The following CASKIN1 variants were observed in gnomAD, a reference collection of about 807,000 sequenced individuals.
The protein encoded by CASKIN1 is CASK interacting protein 1, also known as caskin-1.
CASKIN1 carries 42 observed loss-of-function variants against 117.5 expected under a neutral mutation model. That is an observed-to-expected ratio of 0.36 (90% confidence interval 0.28 to 0.46). The LOEUF is 0.46. CASKIN1 is among the 20% of genes least tolerant of loss of function. The probability of loss-of-function intolerance (pLI) is 1.00; values close to 1 mark genes in which losing one functional copy is unlikely to be tolerated. For missense variants in CASKIN1, 2,083 were observed against 2,077.3 expected, an observed-to-expected ratio of 1.00 and a Z score of -0.05; for synonymous variants, 1,148 against 961.7, an observed-to-expected ratio of 1.19 and a Z score of -3.59.
Position 2,196,512 on chromosome 16 carries a change from GGCCGCCTCCCCC to G in CASKIN1, c.-92_-81del, listed in dbSNP as rs959705260. On this transcript the variant is annotated 5_prime_UTR_variant, in exon 1 of 20. Transcript: ENST00000343516. The surrounding 1 kb of genome is among the most constrained non-coding windows in gnomAD (Gnocchi z 5.7). Reference sequence around the variant, plus strand: ...GAGGCGGCGGCGGCCCCGCGGCACCGGCCGCCTCCCCCGCCGCCTCCCCCGCCGCCTCCTCGC... The same window carrying G: ...GAGGCGGCGGCGGCCCCGCGGCACCGGCCGCCTCCCCCGCCGCCTCCTCGC... The G allele has an allele frequency of 5.1e-3, 3,128 of 611,856 alleles. 50 individuals carry two copies. The highest frequency in any genetic ancestry group is 0.036 in the African/African-American group (1,777 of 49,166). 37.9% of individuals were successfully genotyped at this position (611,856 alleles called of 1,614,324 possible).
chr16:2,180,289 G>A lies in CASKIN1; in HGVS notation c.3079C>T (p.His1027Tyr), dbSNP rs1319842816. The part of the protein sequence containing the change: ...GRAARRPPEG[H>Y]PTPRPASPEP... ...GGGCTGGCAGGGCGGGGAGTGGGGT[G>A]GCCCTCAGGAGGCCTGCGGGCAGCC... Residue 1027 changes from histidine to tyrosine, a missense_variant, in exon 18 of 20, where the codon CAC (histidine) becomes TAC (tyrosine). By Grantham distance (83) the His-to-Tyr change is moderately conservative. This residue lies in a region of CASKIN1 where 1,818 missense variants were observed against 1,688.9 expected (regional missense o/e 1.08). Transcript: ENST00000343516. The A allele has an allele frequency of 3.8e-6, 6 of 1,577,196 alleles. No individual in the cohort carries two copies. In the Admixed American group the frequency reaches 8.9e-5, roughly 23 times the overall value.
In CASKIN1 at chr16:2,190,093, A is replaced by G. The variant is rs1385482009; in HGVS notation, c.224T>C (p.Val75Ala). 1 of 1,611,064 alleles carries G rather than the reference A, an allele frequency of 6.2e-7. No individual in the cohort carries two copies. The highest frequency in any genetic ancestry group is 8.5e-7 in the Non-Finnish European group (1 of 1,179,286). The change falls in exon 3 of 20, where the codon GTG (valine) becomes GCG (alanine). Residue 75 changes from valine to alanine, a missense_variant. Physicochemically the swap from Val to Ala is moderately conservative, Grantham distance 64 (BLOSUM62 0). Transcript: ENST00000343516. The stretch of plus-strand genomic sequence containing the variant: ...CTTGCCTTTGTTGTCCTTGATGTCC[A>G]CAGCGGCCTGGGCCTCCAGCAGCAG... Reference protein sequence around the residue: ...ISLLLEAQAAVDIKDNKGMRP... With the variant: ...ISLLLEAQAAADIKDNKGMRP...
At position 2,181,226 on chromosome 16, in the gene CASKIN1, G is replaced by A; in HGVS notation, c.2142C>T (p.Pro714=). ...SSSQELLGDG[P]PGPSSPMSRS... is the part of the protein sequence containing the mutation. ...GAGACATGGGGCTGCTGGGCCCAGG[G>A]GGCCCATCTCCCAGCAGCTCCTGCG... is the stretch of plus-strand genomic sequence containing the variant. The change falls in exon 18 of 20, where the codon CCC becomes CCT. Residue 714 remains proline, a synonymous_variant. Coordinates refer to ENST00000343516, the MANE Select transcript of CASKIN1 (RefSeq NM_020764.4). 2.5e-6 allele frequency: 4 copies of A among 1,592,856 alleles called. No individual in the cohort carries two copies. In the South Asian group the frequency reaches 3.3e-5, roughly 13 times the overall value.
At position 2,187,385 on chromosome 16, in the gene CASKIN1, C is replaced by T. The variant is rs1340471555; in HGVS notation, c.694G>A (p.Gly232Arg). The T allele has an allele frequency of 2.5e-6, 4 of 1,612,306 alleles. No individual in the cohort carries two copies. The highest frequency in any genetic ancestry group is 2.5e-6 in the Non-Finnish European group (3 of 1,179,874). The change falls in exon 7 of 20, where the codon GGA becomes AGA. Residue 232 changes from glycine to arginine, a missense_variant. This residue lies in a region of CASKIN1 where 203 missense variants were observed against 338.7 expected (regional missense o/e 0.60). Coordinates refer to ENST00000343516, the MANE Select transcript of CASKIN1 (RefSeq NM_020764.4). ...AGCAGCCGCACCACCTCTGTCTTTC[C>T]GCAGAGCGCAGCCTCGTGCAGGGCC... ...GTALHEAALC[G>R]KTEVVRLLLD... is the part of the protein sequence containing the mutation.
intron 10 of CASKIN1, 28 bp downstream of exon 10, chr16:2,186,679 C>T (rs772283084): frequency 1.3e-6 from 2 of 1,591,744 alleles, no homozygotes; most frequent in Non-Finnish European, 8.6e-7. Context: ...GGGCTCCTGC[C>T]TGCCCCCCAG....
chr16:2,180,486 T>C lies in CASKIN1; in HGVS notation c.2882A>G (p.Asn961Ser), dbSNP rs1406860899. 14 of 1,551,012 alleles carry C rather than the reference T, an allele frequency of 9.0e-6. No individual in the cohort carries two copies. Among genetic ancestry groups the C allele is most frequent in the Non-Finnish European group, 1.2e-5 (14 of 1,154,750 alleles). ...GTCAGGCACCGGCTCATCCGCCAGG[T>C]TGGCACTAGCCAGGGCCGAGCTGGA... ...KRSSSALASA[N>S]LADEPVPDAE... Residue 961 changes from asparagine (N) to serine (S), a missense_variant, in exon 18 of 20, where the codon AAC (asparagine) becomes AGC (serine). Physicochemically the swap from Asn to Ser is conservative, Grantham distance 46. This residue lies in a region of CASKIN1 where 1,818 missense variants were observed against 1,688.9 expected (regional missense o/e 1.08). Transcript: ENST00000343516.
intron 1 of CASKIN1, among the ~76,000 whole-genome samples, chr16:2,195,314 G>A (rs1490836064): frequency 6.6e-6 from 1 of 152,162 alleles, no homozygotes; most frequent in African/African-American, 2.4e-5. Context: ...CCCAGTTCTC[G>A]GCATCCCCCT....
chr16:2,179,005 C>A lies in CASKIN1; in HGVS notation c.4096G>T (p.Gly1366Trp). ...TCCAGTTTCTGCCGGGCGCTGTCCC[C>A]TGGCGAGGCGCCTTCGGGCGGGGCG... ...PPAPPEGASP[G>W]DSARQKLEET... Residue 1366 changes from glycine to tryptophan, a missense_variant, in exon 19 of 20, where the codon GGG becomes TGG. Gly to Trp is a radical substitution (Grantham distance 184, BLOSUM62 -2). Transcript: ENST00000343516. The surrounding 1 kb of genome is among the most constrained non-coding windows in gnomAD (Gnocchi z 5.8). The A allele has an allele frequency of 8.1e-7, 1 of 1,233,280 alleles. No homozygotes were observed. The highest frequency in any genetic ancestry group is 1.0e-6 in the Non-Finnish European group (1 of 985,614). The allele number at this position is 1,233,280 out of a possible 1,614,324, so 76.4% of individuals were successfully genotyped here. A position where few individuals can be genotyped will look rare whatever the true frequency, so the allele number is the denominator to read the frequency against.
At chr16:2,195,642 C>T (rs1254750992) in intron 1 of CASKIN1, among the ~76,000 whole-genome samples, 2 of 152,238 alleles carry the variant, frequency 1.3e-5, no homozygotes, top group African/African-American at 4.8e-5. Flanking sequence ...CCCACTCCCT[C>T]ATGGCCTCCT....
In CASKIN1 at chr16:2,185,235, G is replaced by A. The variant is rs373328799; in HGVS notation, c.1151-36C>T. On this transcript the variant is annotated intron_variant, in intron 11 of 19. Coordinates refer to ENST00000343516, the MANE Select transcript of CASKIN1 (RefSeq NM_020764.4). Reference sequence around the variant, plus strand: ...AAGGGAGCAAGATGAGGCCAGTGCCGGCCCCTGCCTGGCCCCACGGTGGTG... The same window carrying A: ...AAGGGAGCAAGATGAGGCCAGTGCCAGCCCCTGCCTGGCCCCACGGTGGTG... 4.8e-5 allele frequency: 77 copies of A among 1,606,436 alleles called. 1 individual carries two copies. The highest frequency in any genetic ancestry group is 3.2e-4 in the South Asian group (29 of 90,546).
chr16:2,191,473 G>C (rs1302649799), intron 1 of CASKIN1, among the ~76,000 whole-genome samples: 1 of 152,208 alleles, frequency 6.6e-6, no homozygotes, highest in Non-Finnish European at 1.5e-5. Context: ...CCCTCCCTGA[G>C]CTGGAGCCGG....
rs1006862430 is a variant in CASKIN1 at position 2,190,312 on chromosome 16, C to T, written c.141G>A (p.Pro47=). 2.0e-5 allele frequency: 32 copies of T among 1,576,182 alleles called. No homozygotes were observed. Among genetic ancestry groups the T allele is most frequent in the Non-Finnish European group, 2.4e-5 (28 of 1,160,130 alleles). Residue 47 remains proline, a synonymous_variant, in exon 2 of 20, where the codon CCG becomes CCA. Transcript: ENST00000343516. ...CCACCCGGCTCAGAACTCACCCATC[C>T]GGGTCCTGGAAGTTGACATTGATCT... is the stretch of plus-strand genomic sequence containing the variant. ...TKKINVNFQD[P]DGFSALHHAA...
At position 2,185,422 on chromosome 16, in the gene CASKIN1, A is replaced by G; in HGVS notation, c.1049-14T>C. On this transcript the variant is annotated splice_polypyrimidine_tract_variant and intron_variant, in intron 10 of 19. Transcript: ENST00000343516. ...CTGCTCGGGAACCTGTGGGTCAAGC[A>G]AAGCCTCCTAAGTCCTGGGCCAGCG... The G allele has an allele frequency of 6.3e-7, 1 of 1,587,678 alleles. No individual in the cohort carries two copies. The highest frequency in any genetic ancestry group is 8.6e-7 in the Non-Finnish European group (1 of 1,166,918).
chr16:2,190,371 G>C lies in CASKIN1; in HGVS notation c.95-13C>G. 6.4e-7 allele frequency: 1 copy of C among 1,565,964 alleles called. No individual in the cohort carries two copies. Among genetic ancestry groups the C allele is most frequent in the Non-Finnish European group, 8.7e-7 (1 of 1,154,884 alleles). On this transcript the variant is annotated splice_polypyrimidine_tract_variant and intron_variant, in intron 1 of 19. Transcript: ENST00000343516. Reference sequence around the variant, plus strand: ...GAACCCAGGAGCTCTGGGGATGGAAGGAGACTCAGTGAGGGGAGGCTGTGC... The same window carrying C: ...GAACCCAGGAGCTCTGGGGATGGAACGAGACTCAGTGAGGGGAGGCTGTGC...
chr16:2,182,707 G>A lies in CASKIN1; in HGVS notation c.1630-778C>T, dbSNP rs929018886. The stretch of plus-strand genomic sequence containing the variant: ...TTGGGAGCCCAGAGCTCAGTGTGAG[G>A]CCCAGAGAGTCCGCTTCAGTTGGGC... On this transcript the variant is annotated intron_variant, in intron 16 of 19. Transcript: ENST00000343516. The surrounding 1 kb of genome is among the most constrained non-coding windows in gnomAD (Gnocchi z 4.1). Among the ~76,000 whole-genome samples, 2 of 152,226 alleles carry A rather than the reference G, an allele frequency of 1.3e-5. No individual in the cohort carries two copies. Among genetic ancestry groups the A allele is most frequent in the Non-Finnish European group, 2.9e-5 (2 of 68,048 alleles).
In CASKIN1 at chr16:2,180,133, G is replaced by A. The variant is rs767569279; in HGVS notation, c.3235C>T (p.Arg1079Trp). The change falls in exon 18 of 20, where the codon CGG becomes TGG. Residue 1079 changes from arginine to tryptophan, a missense_variant. By Grantham distance (101) the Arg-to-Trp change is moderately radical. This residue lies in a region of CASKIN1 where 1,818 missense variants were observed against 1,688.9 expected (regional missense o/e 1.08). Coordinates refer to ENST00000343516, the MANE Select transcript of CASKIN1 (RefSeq NM_020764.4). ...PVTGLLATAR[R>W]GPGESADPGP... ...GGGTCTGCCGACTCCCCAGGCCCCC[G>A]GCGGGCAGTGGCCAGAAGTCCGGTG... is the stretch of plus-strand genomic sequence containing the variant. 7.9e-5 allele frequency: 122 copies of A among 1,553,892 alleles called. No homozygotes were observed. The highest frequency in any genetic ancestry group is 4.8e-4 in the African/African-American group (35 of 73,092).
In CASKIN1 at chr16:2,178,072, T is replaced by G; in HGVS notation, c.*478A>C. ...ATTTGTTAAAGTTATACCTTTTTGT[T>G]TCTCTGGGGAAATCCGCCTCAGCTC... On this transcript the variant is annotated 3_prime_UTR_variant, in exon 20 of 20. Transcript: ENST00000343516. 1 of 486,536 alleles carries G rather than the reference T, an allele frequency of 2.1e-6. No individual in the cohort carries two copies. The highest frequency in any genetic ancestry group is 3.9e-6 in the Non-Finnish European group (1 of 254,414). 30.1% of individuals were successfully genotyped at this position (486,536 alleles called of 1,614,324 possible).
Position 2,180,201 on chromosome 16 carries a change from C to T in CASKIN1, c.3167G>A (p.Gly1056Asp), listed in dbSNP as rs143885789. ...SVKHKEAIGP[G>D]GEVVNRRRTL... is the part of the protein sequence containing the mutation. ...GCGGCGCCGGTTCACCACCTCCCCG[C>T]CAGGCCCGATGGCCTCTTTGTGTTT... The change falls in exon 18 of 20, where the codon GGC becomes GAC. Residue 1056 changes from glycine (G) to aspartate (D), a missense_variant. This residue lies in a region of CASKIN1 where 1,818 missense variants were observed against 1,688.9 expected (regional missense o/e 1.08). Transcript: ENST00000343516. 1.2e-5 allele frequency: 18 copies of T among 1,550,082 alleles called. 1 individual carries two copies. The highest frequency in any genetic ancestry group is 2.0e-4 in the Middle Eastern group (1 of 4,948).
Position 2,177,478 on chromosome 16 carries a change from G to A in CASKIN1, c.*1072C>T, listed in dbSNP as rs765869428. ...CCCAACACTGTGGATCAGCAAACAC[G>A]ATAGAGGAGACCAGTCAGTACTTCT... On this transcript the variant is annotated 3_prime_UTR_variant, in exon 20 of 20. Coordinates refer to ENST00000343516, the MANE Select transcript of CASKIN1 (RefSeq NM_020764.4). 22 of 233,188 alleles carry A rather than the reference G, an allele frequency of 9.4e-5. No homozygotes were observed. Among genetic ancestry groups the A allele is most frequent in the Non-Finnish European group, 1.7e-4 (20 of 118,114 alleles). The allele number at this position is 233,188 out of a possible 1,614,324, so 14.4% of individuals were successfully genotyped here.
Sources: allele counts gnomAD v4.1 joint callset (sites outside exome capture counted in the v4.1 genomes callset), GRCh38; gene constraint gnomAD v4.1.1; regional missense constraint gnomAD v4.1.1; non-coding constraint Gnocchi (gnomAD v3.1); transcripts MANE v1.5; gene names NCBI Gene and HGNC (gene_info 2026-07-23, HGNC 2026-07-21).